Variants in ST6GAL1 observed in about 807,000 individuals in gnomAD.
ST6GAL1 encodes the protein ST6 beta-galactoside alpha-2,6-sialyltransferase 1.
In ST6GAL1, 20 loss-of-function variants were observed where a neutral mutation model predicts 38.0. The observed-to-expected ratio is 0.53, with a 90% CI of 0.37 to 0.77. The LOEUF (loss-of-function observed/expected upper bound fraction) is 0.77, where lower values mean the gene tolerates loss of function less well. ST6GAL1 is among the 30% of genes least tolerant of loss of function. The pLI, the probability that ST6GAL1 is intolerant of heterozygous loss-of-function variation, is 0.00. For synonymous variants in ST6GAL1, 196 were observed against 188.2 expected, an observed-to-expected ratio of 1.04 and a Z score of -0.34; for missense variants, 432 against 496.4, an observed-to-expected ratio of 0.87 and a Z score of 1.23.
rs559405694 is a variant in ST6GAL1, at chr3:186,952,993, T to C, written c.-324-10792T>C. Among the ~76,000 whole-genome samples the C allele has an allele frequency of 1.3e-5, 2 of 152,346 alleles. No individual in the cohort carries two copies. Among genetic ancestry groups the C allele is most frequent in the Non-Finnish European group, 2.9e-5 (2 of 68,034 alleles). On this transcript the variant is annotated intron_variant, in intron 1 of 7. Transcript: ENST00000169298. This position sits in a 1 kb window ranked among gnomAD's most constrained non-coding sequence, Gnocchi z 4.1. ...CTGCACCCACTCTGTTAGCAAACCA[T>C]GTCAGCTGTGCTTTCACAATAAATT...
rs879460774 is a variant in ST6GAL1, at chr3:186,995,390, C to T, written c.-183+31464C>T. On this transcript the variant is annotated intron_variant, in intron 2 of 7. Coordinates refer to ENST00000169298, the MANE Select transcript of ST6GAL1 (RefSeq NM_173216.2). Reference sequence around the variant, plus strand: ...GTGTGGTGGCATGTACCTGTGGTCCCAGCTACTTGGGAGGCTGAGGCAGGA... The same window carrying T: ...GTGTGGTGGCATGTACCTGTGGTCCTAGCTACTTGGGAGGCTGAGGCAGGA... 2.5e-4 allele frequency among the ~76,000 whole-genome samples: 38 copies of T among 151,424 alleles called. 1 individual carries two copies. The highest frequency in any genetic ancestry group is 1.3e-4 in the Admixed American group (2 of 15,192).
At chr3:187,023,618 A>G (rs1717407457) in intron 2 of ST6GAL1, among the ~76,000 whole-genome samples, 1 of 152,210 alleles carries the variant, frequency 6.6e-6, no homozygotes, top group African/African-American at 2.4e-5. Context: ...TATCATTCTC[A>G]GCAAACTATG....
chr3:187,058,057 C>T (rs1035568247), intron 5 of ST6GAL1, among the ~76,000 whole-genome samples: 5 of 152,220 alleles, frequency 3.3e-5, no homozygotes, highest in African/African-American at 4.8e-5. Context: ...CAGACTGCTG[C>T]ACTAGCAGTG....
At chr3:187,020,157 C>T (rs374992873) in intron 2 of ST6GAL1, among the ~76,000 whole-genome samples, 4 of 152,202 alleles carry the variant, frequency 2.6e-5, no homozygotes, top group South Asian at 2.1e-4. Flanking sequence ...ATTAGCCGGG[C>T]GTGGTGGCGG....
intron 2 of ST6GAL1, among the ~76,000 whole-genome samples, chr3:187,013,120 T>G (rs1717009934): frequency 1.3e-5 from 2 of 152,250 alleles, no homozygotes; most frequent in Non-Finnish European, 2.9e-5. Flanking sequence ...CTTTAGCGTC[T>G]TAAGTGTTTC....
chr3:187,068,867 A>G (rs772929402), intron 5 of ST6GAL1, among the ~76,000 whole-genome samples: 4 of 152,192 alleles, frequency 2.6e-5, no homozygotes, highest in Non-Finnish European at 4.4e-5. Flanking sequence ...TTTTCAGGGG[A>G]ATAGGGTGGA....
At chr3:186,989,680 T>G (rs1443499863) in intron 2 of ST6GAL1, among the ~76,000 whole-genome samples, 1 of 152,332 alleles carries the variant, frequency 6.6e-6, no homozygotes, top group East Asian at 1.9e-4. Context: ...TTAAAAGCTT[T>G]GTGTATTTGA....
chr3:187,061,646 T>C (rs1178196662), intron 5 of ST6GAL1, among the ~76,000 whole-genome samples: 5 of 152,188 alleles, frequency 3.3e-5, no homozygotes, highest in South Asian at 4.1e-4. Flanking sequence ...GAAATGATAC[T>C]GGGAAAACTG....
intron 2 of ST6GAL1, among the ~76,000 whole-genome samples, chr3:187,036,510 A>G (rs1188621073): frequency 6.6e-6 from 1 of 152,244 alleles, no homozygotes; most frequent in Non-Finnish European, 1.5e-5. Context: ...GGTGCCCATC[A>G]GTGGTGGACT....
At chr3:187,054,977 C>T (rs1236271112) in intron 5 of ST6GAL1, among the ~76,000 whole-genome samples, 1 of 152,076 alleles carries the variant, frequency 6.6e-6, no homozygotes, top group Non-Finnish European at 1.5e-5. Flanking sequence ...ATTTCAGAGC[C>T]TGTTATTGGT....
At chr3:187,007,894 A>G (rs1318291187) in intron 2 of ST6GAL1, among the ~76,000 whole-genome samples, 1 of 152,220 alleles carries the variant, frequency 6.6e-6, no homozygotes, top group Non-Finnish European at 1.5e-5. Context: ...ATATGGGCCC[A>G]GTAGCGGAAT....
At chr3:186,972,046 C>G (rs570285398) in intron 2 of ST6GAL1, among the ~76,000 whole-genome samples, 1 of 152,292 alleles carries the variant, frequency 6.6e-6, no homozygotes, top group East Asian at 1.9e-4. Flanking sequence ...ATGGACCAGG[C>G]TCTAAGTGTT....
intron 2 of ST6GAL1, among the ~76,000 whole-genome samples, chr3:186,966,862 C>T (rs1715148441): frequency 1.3e-5 from 2 of 152,204 alleles, no homozygotes; most frequent in Admixed American, 1.3e-4. Context: ...GACAGATATG[C>T]TTGCGTTTCC....
At chr3:187,021,265 G>A (rs1216934966) in intron 2 of ST6GAL1, among the ~76,000 whole-genome samples, 5 of 152,062 alleles carry the variant, frequency 3.3e-5, no homozygotes, top group African/African-American at 1.2e-4. Flanking sequence ...CCTGGACTAT[G>A]TGTTGGTTTC....
At chr3:187,058,538 T>C (rs1375639469) in intron 5 of ST6GAL1, among the ~76,000 whole-genome samples, 1 of 152,148 alleles carries the variant, frequency 6.6e-6, no homozygotes, top group African/African-American at 2.4e-5. Flanking sequence ...TTTAAGAAAA[T>C]CACTTTCTAT....
intron 3 of ST6GAL1, among the ~76,000 whole-genome samples, chr3:187,039,562 A>C (rs1347300282): frequency 6.6e-6 from 1 of 152,218 alleles, no homozygotes; most frequent in Admixed American, 6.5e-5. Flanking sequence ...GCTGGCAGGC[A>C]CATGGACAAG....
chr3:186,943,877 C>G (rs1325099435), intron 1 of ST6GAL1, among the ~76,000 whole-genome samples: 2 of 152,264 alleles, frequency 1.3e-5, no homozygotes, highest in Non-Finnish European at 2.9e-5. Flanking sequence ...GAGCCCATGT[C>G]TCAGCCTCCA....
intron 5 of ST6GAL1, chr3:187,064,517 T>C (rs1039376722): frequency 2.4e-5 from 11 of 456,632 alleles, no homozygotes; most frequent in Middle Eastern, 3.2e-4. Context: ...ATTACACTTC[T>C]AGATCTCTGT....
chr3:187,021,702 C>T (rs1046730915), intron 2 of ST6GAL1, among the ~76,000 whole-genome samples: 1 of 142,740 alleles, frequency 7.0e-6, no homozygotes, highest in African/African-American at 2.6e-5. Flanking sequence ...GATCATGCTA[C>T]TGCACTCCAA....
Sources: gnomAD v4.1 joint callset for allele counts (sites outside exome capture counted in the v4.1 genomes callset) on GRCh38, gnomAD v4.1.1 for gene constraint, Gnocchi (gnomAD v3.1) non-coding constraint, MANE v1.5 for transcripts, NCBI Gene and HGNC (gene_info 2026-07-23, HGNC 2026-07-21) for gene names.